The following OCLN variants were observed in gnomAD, a reference collection of about 807,000 sequenced individuals.
OCLN encodes occludin, also known as phosphatase 1, regulatory subunit 115.
OCLN carries 21 observed loss-of-function variants against 47.9 expected under a neutral mutation model. That is an observed-to-expected ratio of 0.44 (90% CI 0.31 to 0.63). The LOEUF (loss-of-function observed/expected upper bound fraction) is 0.63. Among genes scored for constraint, OCLN ranks in the 30% least tolerant of loss-of-function variants. OCLN has a pLI of 0.08. For synonymous variants in OCLN, 117 were observed against 198.4 expected (o/e 0.59, Z 3.45); for missense variants, 360 against 571.0 (o/e 0.63, Z 3.77).
At chr5:69,533,106 C>CATATATATATAT (rs1234212958) in intron 4 of OCLN, among the ~76,000 whole-genome samples, 6 of 139,612 alleles carry the variant, frequency 4.3e-5, no homozygotes, top group South Asian at 2.2e-4. Context: ...CACACACACA[C>CATATATATATAT]ACATATATAT....
intron 3 of OCLN, among the ~76,000 whole-genome samples, chr5:69,512,974 A>G (rs1768827369): frequency 1.3e-5 from 2 of 152,092 alleles, no homozygotes; most frequent in Non-Finnish European, 2.9e-5. Flanking sequence ...TCTGTCTACC[A>G]TTATTTAGAA....
chr5:69,507,327 G>T (rs1211765778), intron 2 of OCLN, among the ~76,000 whole-genome samples: 1 of 152,062 alleles, frequency 6.6e-6, no homozygotes, highest in Non-Finnish European at 1.5e-5. Flanking sequence ...TAGAGACGGG[G>T]TTTCGCCATG....
chr5:69,511,358 A>G (rs1308003203), intron 3 of OCLN, among the ~76,000 whole-genome samples: 1 of 151,634 alleles, frequency 6.6e-6, no homozygotes, highest in African/African-American at 2.4e-5. Context: ...CTGGGATTAC[A>G]GGTGTGAGCC....
At chr5:69,497,349 T>G (rs1768321430) in intron 1 of OCLN, among the ~76,000 whole-genome samples, 1 of 152,066 alleles carries the variant, frequency 6.6e-6, no homozygotes, top group Non-Finnish European at 1.5e-5. Flanking sequence ...ATTTCCTGTT[T>G]TTCCAATCAT....
intron 2 of OCLN, among the ~76,000 whole-genome samples, chr5:69,506,842 T>C (rs2111965709): frequency 6.6e-6 from 1 of 152,310 alleles, no homozygotes; most frequent in South Asian, 2.1e-4. Flanking sequence ...CTAGAGAATA[T>C]AGTAATTGAG....
At chr5:69,524,096 C>T (rs750572776) in intron 4 of OCLN, among the ~76,000 whole-genome samples, 1 of 152,094 alleles carries the variant, frequency 6.6e-6, no homozygotes, top group Non-Finnish European at 1.5e-5. Flanking sequence ...TGCAGTGAGC[C>T]GAGATGTGCC....
chr5:69,510,211 A>C (rs1428062198), intron 3 of OCLN, among the ~76,000 whole-genome samples: 1 of 151,828 alleles, frequency 6.6e-6, no homozygotes, highest in Non-Finnish European at 1.5e-5. Flanking sequence ...TATAAATGGA[A>C]TCACACAATG....
intron 1 of OCLN, among the ~76,000 whole-genome samples, chr5:69,494,027 A>C (rs886919515): frequency 2.0e-5 from 3 of 152,234 alleles, no homozygotes; most frequent in African/African-American, 7.2e-5. Context: ...TGTGGCCCTT[A>C]GGCAACAGGT....
chr5:69,518,854 G>A (rs1455456414), intron 4 of OCLN, among the ~76,000 whole-genome samples: 3 of 152,166 alleles, frequency 2.0e-5, no homozygotes, highest in African/African-American at 7.2e-5. Flanking sequence ...AATAATGGCT[G>A]ATTCGGGGGG....
At chr5:69,512,507 A>G (rs1047570355) in intron 3 of OCLN, among the ~76,000 whole-genome samples, 3 of 152,164 alleles carry the variant, frequency 2.0e-5, no homozygotes, top group Non-Finnish European at 4.4e-5. Context: ...TTTGTTCTTC[A>G]AGACTGTTTT....
At chr5:69,512,540 AT>A (rs1173864315) in intron 3 of OCLN, among the ~76,000 whole-genome samples, 5 of 152,158 alleles carry the variant, frequency 3.3e-5, no homozygotes, top group African/African-American at 1.2e-4. Flanking sequence ...GATTCCTTGC[AT>A]TTCCATATGG....
chr5:69,553,904 A>C lies in OCLN; in HGVS notation c.*233A>C, dbSNP rs1164672510. On this transcript the variant is annotated 3_prime_UTR_variant, in exon 9 of 9. Transcript: ENST00000396442. ...TGCTTTAAACATTGGTTCTTGTATTAAGAATGAAATACTGTTTGAGGTTTT... is the reference window on the plus strand; with the variant it reads ...TGCTTTAAACATTGGTTCTTGTATTCAGAATGAAATACTGTTTGAGGTTTT... 54 of 511,698 alleles carry C rather than the reference A, an allele frequency of 1.1e-4. No individual in the cohort carries two copies. The highest frequency in any genetic ancestry group is 1.8e-4 in the Non-Finnish European group (49 of 276,678). The allele number at this position is 511,698 out of a possible 1,614,324, so 31.7% of individuals were successfully genotyped here. A position where few individuals can be genotyped will look rare whatever the true frequency, so the allele number is the denominator to read the frequency against.
intron 4 of OCLN, among the ~76,000 whole-genome samples, chr5:69,524,292 A>G (rs1183976906): frequency 6.6e-6 from 1 of 152,210 alleles, no homozygotes; most frequent in Admixed American, 6.5e-5. Flanking sequence ...ATCCCACCTA[A>G]TAATTACAAT....
intron 2 of OCLN, among the ~76,000 whole-genome samples, chr5:69,507,975 T>C (rs370747061): frequency 1.3e-5 from 2 of 152,232 alleles, no homozygotes; most frequent in African/African-American, 4.8e-5. Flanking sequence ...CATCACGTGA[T>C]TGATGTAAAA....
chr5:69,495,292 C>G (rs1768258798), intron 1 of OCLN, among the ~76,000 whole-genome samples: 1 of 152,146 alleles, frequency 6.6e-6, no homozygotes, highest in Admixed American at 6.6e-5. Context: ...TGCCGCTGTT[C>G]CGTAACCCAG....
chr5:69,494,021 G>A (rs553846638), intron 1 of OCLN, among the ~76,000 whole-genome samples: 2 of 152,348 alleles, frequency 1.3e-5, no homozygotes, highest in African/African-American at 4.8e-5. Flanking sequence ...TCAGTGTGTG[G>A]CCCTTAGGCA....
chr5:69,548,648 A>C (rs1004419806), intron 7 of OCLN, among the ~76,000 whole-genome samples: 1 of 150,522 alleles, frequency 6.6e-6, no homozygotes, highest in Non-Finnish European at 1.5e-5. Flanking sequence ...ATGTACATCT[A>C]TCCTTTCCTA....
intron 4 of OCLN, among the ~76,000 whole-genome samples, chr5:69,534,210 A>T (rs256914): frequency 0.63 from 40,694 of 64,326 alleles, 13,797 homozygotes; most frequent in South Asian, 0.75. Flanking sequence ...AGGTGAATGG[A>T]TTAAGAACTA....
intron 5 of OCLN, 138 bp downstream of exon 5, chr5:69,534,977 C>T (rs1769542695): frequency 1.7e-6 from 1 of 601,730 alleles, no homozygotes; most frequent in Non-Finnish European, 3.0e-6. Flanking sequence ...GGTATTACAA[C>T]AATCTTTGCT....
Sources: allele counts gnomAD v4.1 joint callset (sites outside exome capture counted in the v4.1 genomes callset), GRCh38; gene constraint gnomAD v4.1.1; transcripts MANE v1.5; gene names NCBI Gene and HGNC (gene_info 2026-07-23, HGNC 2026-07-21).